The following RAI14 variants were observed in gnomAD, a reference collection of about 807,000 sequenced individuals.
The protein encoded by RAI14 is retinoic acid induced 14.
RAI14 carries 45 observed loss-of-function variants against 115.4 expected under a neutral mutation model. The ratio of observed to expected loss-of-function variants is 0.39; its 90% CI spans 0.31 to 0.50. The LOEUF (loss-of-function observed/expected upper bound fraction) is 0.50, where lower values mean the gene tolerates loss of function less well. Among genes scored for constraint, RAI14 ranks in the 20% least tolerant of loss-of-function variants. The pLI is 0.85. For missense variants in RAI14, 939 were observed against 1,131.2 expected, an observed-to-expected ratio of 0.83 and a Z score of 2.44; for synonymous variants, 371 against 415.4, an observed-to-expected ratio of 0.89 and a Z score of 1.30.
chr5:34,809,696 G>A (rs1446451777), intron 7 of RAI14, among the ~76,000 whole-genome samples: 2 of 151,554 alleles, frequency 1.3e-5, no homozygotes, highest in Admixed American at 1.3e-4. Flanking sequence ...TCCTATATAG[G>A]TATATTTATT....
chr5:34,657,687 A>G lies in RAI14; in HGVS notation c.-49+1212A>G, dbSNP rs116608730. Among the ~76,000 whole-genome samples, 442 of 152,254 alleles carry G rather than the reference A, an allele frequency of 2.9e-3. 2 individuals are homozygous for G. The highest frequency in any genetic ancestry group is 0.01 in the African/African-American group (426 of 41,552). The stretch of plus-strand genomic sequence containing the variant: ...GCCTGGGATGGGGAAACGTTGCCGG[A>G]TCTCTGGGGAATGTGGTCTCAAGGC... On this transcript the variant is annotated intron_variant, in intron 1 of 17. Transcript: ENST00000265109.
chr5:34,697,905 T>C (rs1301338342), intron 2 of RAI14, among the ~76,000 whole-genome samples: 1 of 152,146 alleles, frequency 6.6e-6, no homozygotes, highest in Non-Finnish European at 1.5e-5. Context: ...TTAAAAATGG[T>C]AGAATGTCCA....
chr5:34,832,546 G>GT lies in RAI14; in HGVS notation c.*1786dup, dbSNP rs1318495810. The GT allele has an allele frequency of 6.6e-6, 1 of 152,578 alleles. No individual in the cohort carries two copies. Among genetic ancestry groups the GT allele is most frequent in the Non-Finnish European group, 1.5e-5 (1 of 68,016 alleles). The allele number at this position is 152,578 out of a possible 1,614,324, so 9.5% of individuals were successfully genotyped here. The stretch of plus-strand genomic sequence containing the variant: ...AAATATTGAAAAGTTATATGCTGTA[G>GT]TTTTTAGTATTTTGTCTTTGTAATT... On this transcript the variant is annotated 3_prime_UTR_variant, in exon 18 of 18. Coordinates refer to ENST00000265109, the MANE Select transcript of RAI14 (RefSeq NM_015577.3).
At chr5:34,789,846 A>G (rs1312615263) in intron 3 of RAI14, among the ~76,000 whole-genome samples, 1 of 152,210 alleles carries the variant, frequency 6.6e-6, no homozygotes, top group East Asian at 1.9e-4. Flanking sequence ...GGAAACTGAG[A>G]TAGAGCCTAA....
At chr5:34,674,789 A>G (rs766243454) in intron 1 of RAI14, among the ~76,000 whole-genome samples, 2 of 151,848 alleles carry the variant, frequency 1.3e-5, no homozygotes, top group African/African-American at 4.8e-5. Flanking sequence ...GGGTTTCGCC[A>G]TGTTGACCAG....
chr5:34,792,115 C>T (rs1259436129), intron 3 of RAI14, among the ~76,000 whole-genome samples: 1 of 152,120 alleles, frequency 6.6e-6, no homozygotes, highest in Non-Finnish European at 1.5e-5. Context: ...AAGCGCATAC[C>T]CAGTGAGAGG....
chr5:34,667,867 C>T (rs1446729350), intron 1 of RAI14, among the ~76,000 whole-genome samples: 1 of 152,184 alleles, frequency 6.6e-6, no homozygotes, highest in African/African-American at 2.4e-5. Flanking sequence ...GGTGAGCTCA[C>T]AGATTCCATG....
At chr5:34,801,281 G>A (rs1015561878) in intron 4 of RAI14, among the ~76,000 whole-genome samples, 8 of 152,124 alleles carry the variant, frequency 5.3e-5, no homozygotes, top group African/African-American at 9.7e-5. Flanking sequence ...AAATCTCTCC[G>A]TACAGCTGAA....
intron 3 of RAI14, among the ~76,000 whole-genome samples, chr5:34,772,551 TAG>T (rs1225776033): frequency 6.6e-6 from 1 of 152,184 alleles, no homozygotes; most frequent in Non-Finnish European, 1.5e-5. Context: ...AATGTTTCCA[TAG>T]AGTACCTGCT....
chr5:34,691,484 G>A (rs1022261688), intron 2 of RAI14, among the ~76,000 whole-genome samples: 1 of 152,034 alleles, frequency 6.6e-6, no homozygotes, highest in Non-Finnish European at 1.5e-5. Flanking sequence ...GTTCCACATG[G>A]AAAAATGAGC....
intron 16 of RAI14, among the ~76,000 whole-genome samples, chr5:34,829,435 A>G (rs1349535871): frequency 2.6e-5 from 4 of 151,996 alleles, no homozygotes; most frequent in South Asian, 2.1e-4. Context: ...TGATCCACCC[A>G]CCTCAGCCGC....
At chr5:34,681,115 G>T (rs1744349596) in intron 1 of RAI14, among the ~76,000 whole-genome samples, 1 of 152,192 alleles carries the variant, frequency 6.6e-6, no homozygotes, top group Non-Finnish European at 1.5e-5. Flanking sequence ...GATGGCGTGA[G>T]GTACTGTGTT....
intron 3 of RAI14, among the ~76,000 whole-genome samples, chr5:34,760,888 A>T (rs1160386011): frequency 1.3e-5 from 2 of 152,170 alleles, no homozygotes; most frequent in Non-Finnish European, 2.9e-5. Context: ...ATTAGGGAGA[A>T]ACTCCCCAAC....
intron 3 of RAI14, among the ~76,000 whole-genome samples, chr5:34,775,386 A>G (rs1750709907): frequency 6.6e-6 from 1 of 152,176 alleles, no homozygotes; most frequent in South Asian, 2.1e-4. Flanking sequence ...CAACCAGTAT[A>G]TAAGGAGCTC....
In RAI14 at chr5:34,827,396, C is replaced by T. The variant is rs1161649072; in HGVS notation, c.2799+917C>T. On this transcript the variant is annotated intron_variant, in intron 16 of 17. Coordinates refer to ENST00000265109, the MANE Select transcript of RAI14 (RefSeq NM_015577.3). The surrounding 1 kb of genome is among the most constrained non-coding windows in gnomAD (Gnocchi z 4.2). ...TAGGATGTGGACATCTTTCAAGAGC[C>T]ATTATTTAGCTTACCACAATATCTG... Among the ~76,000 whole-genome samples, 1 of 152,144 alleles carries T rather than the reference C, an allele frequency of 6.6e-6. No homozygotes were observed. The highest frequency in any genetic ancestry group is 1.9e-4 in the East Asian group (1 of 5,198).
At chr5:34,779,617 C>G (rs958094125) in intron 3 of RAI14, among the ~76,000 whole-genome samples, 3 of 152,122 alleles carry the variant, frequency 2.0e-5, no homozygotes, top group African/African-American at 7.2e-5. Flanking sequence ...CTCCCATTCA[C>G]AATTGCTTCA....
chr5:34,731,660 A>AG (rs1437119006), intron 2 of RAI14, among the ~76,000 whole-genome samples: 2 of 152,254 alleles, frequency 1.3e-5, no homozygotes, highest in Non-Finnish European at 2.9e-5. Flanking sequence ...AAAAGAAAAA[A>AG]AGGTAATAAG....
chr5:34,752,394 C>A (rs950011092), intron 2 of RAI14, among the ~76,000 whole-genome samples: 1 of 152,038 alleles, frequency 6.6e-6, no homozygotes, highest in Non-Finnish European at 1.5e-5. Context: ...GTTCTCAGGG[C>A]CTTCAGGGAG....
intron 5 of RAI14, 78 bp downstream of exon 5, chr5:34,803,854 CACACCCTCCAT>C: frequency 1.5e-6 from 2 of 1,299,924 alleles, no homozygotes; most frequent in Non-Finnish European, 2.2e-6. Context: ...AAAGAACAAA[CACACCCTCCAT>C]ACACACTCCT....
Sources: allele counts gnomAD v4.1 joint callset (sites outside exome capture counted in the v4.1 genomes callset), GRCh38; gene constraint gnomAD v4.1.1; non-coding constraint Gnocchi (gnomAD v3.1); transcripts MANE v1.5; gene names NCBI Gene and HGNC (gene_info 2026-07-23, HGNC 2026-07-21).